Variants in SLC22A23 observed in about 807,000 individuals in gnomAD.
The protein encoded by SLC22A23 is solute carrier family 22 member 23, also known as ion transporter protein.
SLC22A23 carries 26 observed loss-of-function variants against 61.0 expected under a neutral mutation model. The ratio of observed to expected loss-of-function variants is 0.43; its 90% CI spans 0.31 to 0.59. The LOEUF is 0.59. Ranked by LOEUF, SLC22A23 falls within the 20% of genes least tolerant of loss-of-function variation. The pLI is 0.11. For missense variants in SLC22A23, 796 were observed against 934.7 expected (o/e 0.85, Z 1.94); for synonymous variants, 430 against 413.9 (o/e 1.04, Z -0.47).
At position 3,322,729 on chromosome 6, in the gene SLC22A23, C is replaced by T. The variant is rs957918535; in HGVS notation, c.1082+1105G>A. Among the ~76,000 whole-genome samples the T allele has an allele frequency of 3.3e-5, 5 of 152,200 alleles. No homozygotes were observed. Among genetic ancestry groups the T allele is most frequent in the African/African-American group, 4.8e-5 (2 of 41,438 alleles). On this transcript the variant is annotated intron_variant, in intron 4 of 9. Transcript: ENST00000406686. The surrounding 1 kb of genome is among the most constrained non-coding windows in gnomAD (Gnocchi z 4.1). Reference sequence around the variant, plus strand: ...AGGGCAGGGGCGGGGGGCAGTACCACTAAGCCAAAAGGTAGGTGCTTTCTT... The same window carrying T: ...AGGGCAGGGGCGGGGGGCAGTACCATTAAGCCAAAAGGTAGGTGCTTTCTT...
intron 3 of SLC22A23, among the ~76,000 whole-genome samples, chr6:3,398,971 G>A (rs1768198616): frequency 6.6e-6 from 1 of 152,090 alleles, no homozygotes; most frequent in Non-Finnish European, 1.5e-5. Context: ...CGAGACTTCG[G>A]TCAGCTGTGA....
chr6:3,377,485 T>C (rs965331368), intron 3 of SLC22A23, among the ~76,000 whole-genome samples: 1 of 152,200 alleles, frequency 6.6e-6, no homozygotes. Context: ...CACCCTGCTG[T>C]GCCTGAATGG....
At chr6:3,435,587 A>G (rs144499784) in intron 1 of SLC22A23, among the ~76,000 whole-genome samples, 25 of 152,148 alleles carry the variant, frequency 1.6e-4, no homozygotes, top group Middle Eastern at 3.4e-3. Context: ...TTTACAACAG[A>G]CAGACTGGAC....
At chr6:3,306,314 TG>T (rs772679205) in intron 4 of SLC22A23, among the ~76,000 whole-genome samples, 13 of 152,106 alleles carry the variant, frequency 8.5e-5, no homozygotes, top group Non-Finnish European at 1.8e-4. Flanking sequence ...CATTTCAACA[TG>T]TGATTTGGAA....
In SLC22A23 at chr6:3,273,111, C is replaced by T. The variant is rs777308990; in HGVS notation, c.2005G>A (p.Ala669Thr). Residue 669 changes from alanine to threonine, a missense_variant, in exon 10 of 10, where the codon GCC (alanine) becomes ACC (threonine). By Grantham distance (58) the Ala-to-Thr change is moderately conservative. Transcript: ENST00000406686. ...KDYSGLHDAAAAGDTLPEGAT... is the reference protein window; with the variant it reads ...KDYSGLHDAATAGDTLPEGAT... ...CCCTCGGGCAGTGTGTCACCCGCGGCTGCGGCATCGTGGAGGCCCGAGTAG... is the reference window on the plus strand; with the variant it reads ...CCCTCGGGCAGTGTGTCACCCGCGGTTGCGGCATCGTGGAGGCCCGAGTAG... The T allele has an allele frequency of 2.7e-5, 44 of 1,601,176 alleles. No homozygotes were observed. Among genetic ancestry groups the T allele is most frequent in the Admixed American group, 5.0e-5 (3 of 59,582 alleles).
intron 5 of SLC22A23, chr6:3,290,211 T>A (rs1760452088): frequency 2.8e-6 from 1 of 361,780 alleles, no homozygotes; most frequent in African/African-American, 2.1e-5. Context: ...AGCTCAGCGA[T>A]GATATTCTAG....
At chr6:3,294,180 T>C (rs1383080690) in intron 5 of SLC22A23, among the ~76,000 whole-genome samples, 1 of 152,198 alleles carries the variant, frequency 6.6e-6, no homozygotes, top group African/African-American at 2.4e-5. Flanking sequence ...CTCTCCCTCA[T>C]GAAGCTCAGA....
Position 3,286,815 on chromosome 6 carries a change from CA to C in SLC22A23, c.1546+43del. ...CTTTCAAATGCCCTTGGGGATCTGCCAGCTTCCCTCCCTGCACCCAGCCCAC... is the reference window on the plus strand; with the variant it reads ...CTTTCAAATGCCCTTGGGGATCTGCCGCTTCCCTCCCTGCACCCAGCCCAC... On this transcript the variant is annotated intron_variant, in intron 7 of 9. Coordinates refer to ENST00000406686, the MANE Select transcript of SLC22A23 (RefSeq NM_015482.2). This position sits in a 1 kb window ranked among gnomAD's most constrained non-coding sequence, Gnocchi z 4.2. 3 of 1,511,288 alleles carry C rather than the reference CA, an allele frequency of 2.0e-6. No individual in the cohort carries two copies. Among genetic ancestry groups the C allele is most frequent in the Non-Finnish European group, 2.7e-6 (3 of 1,110,780 alleles). The allele number at this position is 1,511,288 out of a possible 1,614,324, so 93.6% of individuals were successfully genotyped here.
intron 2 of SLC22A23, among the ~76,000 whole-genome samples, chr6:3,415,016 C>T (rs1196623887): frequency 1.3e-5 from 2 of 152,222 alleles, no homozygotes; most frequent in East Asian, 1.9e-4. Context: ...TTTACTTACA[C>T]TTCTCTGCTT....
At chr6:3,288,595 CAG>C (rs1189931888) in intron 6 of SLC22A23, among the ~76,000 whole-genome samples, 1 of 152,252 alleles carries the variant, frequency 6.6e-6, no homozygotes, top group Non-Finnish European at 1.5e-5. Flanking sequence ...CTGAAGATAA[CAG>C]AGCCAGAGAG....
At chr6:3,374,753 C>T (rs10458074) in intron 3 of SLC22A23, among the ~76,000 whole-genome samples, 7,048 of 152,274 alleles carry the variant, frequency 0.046, 218 homozygotes, top group East Asian at 0.15. Context: ...GGAATCTCAG[C>T]ACAATGTCAC....
At chr6:3,285,814 C>G (rs998252672) in intron 7 of SLC22A23, among the ~76,000 whole-genome samples, 1 of 152,186 alleles carries the variant, frequency 6.6e-6, no homozygotes, top group African/African-American at 2.4e-5. Flanking sequence ...GATCTGGGTG[C>G]GGTGGACAGC....
rs1317146027 is a variant in SLC22A23, at chr6:3,413,908, G to A, written c.758+1844C>T. Among the ~76,000 whole-genome samples, 9 of 152,270 alleles carry A rather than the reference G, an allele frequency of 5.9e-5. No individual in the cohort carries two copies. In the South Asian group the frequency reaches 1.2e-3, roughly 21 times the overall value. Reference sequence around the variant, plus strand: ...CTCAGGCAGCCTGCCCCTGATTCCCGGGGCACCCCCTCAATCTTGCCCATC... The same window carrying A: ...CTCAGGCAGCCTGCCCCTGATTCCCAGGGCACCCCCTCAATCTTGCCCATC... On this transcript the variant is annotated intron_variant, in intron 2 of 9. Coordinates refer to ENST00000406686, the MANE Select transcript of SLC22A23 (RefSeq NM_015482.2).
rs1758456894 is a variant in SLC22A23 at position 3,271,259 on chromosome 6, G to A, written c.*1796C>T. 2.0e-5 allele frequency: 3 copies of A among 152,296 alleles called. No homozygotes were observed. Among genetic ancestry groups the A allele is most frequent in the South Asian group, 2.1e-4 (1 of 4,824 alleles). 9.4% of individuals were successfully genotyped at this position (152,296 alleles called of 1,614,324 possible). A position where few individuals can be genotyped will look rare whatever the true frequency, so the allele number is the denominator to read the frequency against. On this transcript the variant is annotated 3_prime_UTR_variant, in exon 10 of 10. Transcript: ENST00000406686. ...GTGAGGAGCTGGACGTGGAGCAAGT[G>A]GAGGCAGGGAGAGGCTGGCCAGACA...
intron 3 of SLC22A23, among the ~76,000 whole-genome samples, chr6:3,404,092 A>T (rs1768626780): frequency 6.6e-6 from 1 of 152,236 alleles, no homozygotes; most frequent in Non-Finnish European, 1.5e-5. Flanking sequence ...CCTAGTCCGT[A>T]AGGTTTTGAC....
At position 3,330,479 on chromosome 6, in the gene SLC22A23, C is replaced by A. The variant is rs1763525033; in HGVS notation, c.914-6477G>T. ...CTCCCAGACCACCATGCGAGCCTCT[C>A]TCCTCTTCCCTGCACCCTCCCTCCT... On this transcript the variant is annotated intron_variant, in intron 3 of 9. Coordinates refer to ENST00000406686, the MANE Select transcript of SLC22A23 (RefSeq NM_015482.2). The surrounding 1 kb of genome is among the most constrained non-coding windows in gnomAD (Gnocchi z 4.7). 6.6e-6 allele frequency among the ~76,000 whole-genome samples: 1 copy of A among 152,230 alleles called. No homozygotes were observed. Among genetic ancestry groups the A allele is most frequent in the African/African-American group, 2.4e-5 (1 of 41,458 alleles).
intron 1 of SLC22A23, among the ~76,000 whole-genome samples, chr6:3,450,343 G>A (rs572336982): frequency 2.8e-4 from 43 of 152,286 alleles, no homozygotes; most frequent in Non-Finnish European, 5.9e-4. Context: ...GTCTCGCTCT[G>A]TTGCTCAGGC....
intron 9 of SLC22A23, 169 bp downstream of exon 9, chr6:3,283,683 G>A (rs1759691548): frequency 1.7e-6 from 2 of 1,170,384 alleles, no homozygotes; most frequent in Non-Finnish European, 2.4e-6. Flanking sequence ...TGCCTCTTGG[G>A]CGCCTCGGGG....
intron 6 of SLC22A23, among the ~76,000 whole-genome samples, chr6:3,287,541 C>T (rs1404613758): frequency 6.6e-6 from 1 of 152,106 alleles, no homozygotes; most frequent in Non-Finnish European, 1.5e-5. Context: ...AACTCAGAGA[C>T]GCAGCTTTTC....
Sources: allele counts gnomAD v4.1 joint callset (sites outside exome capture counted in the v4.1 genomes callset), GRCh38; gene constraint gnomAD v4.1.1; non-coding constraint Gnocchi (gnomAD v3.1); transcripts MANE v1.5; gene names NCBI Gene and HGNC (gene_info 2026-07-23, HGNC 2026-07-21).